The following WDPCP variants were observed in gnomAD, a reference collection of about 807,000 sequenced individuals.
WDPCP encodes the protein WD repeat containing planar cell polarity effector.
Under a neutral mutation model 93.1 loss-of-function variants are expected in WDPCP, and 71 were observed. That is an observed-to-expected ratio of 0.76 (90% CI 0.63 to 0.93). The LOEUF (loss-of-function observed/expected upper bound fraction) is 0.93. WDPCP is among the 40% of genes least tolerant of loss of function. The pLI, the probability that WDPCP is intolerant of heterozygous loss-of-function variation, is 0.00. For missense variants in WDPCP, 844 were observed against 887.4 expected (o/e 0.95, Z 0.62); for synonymous variants, 315 against 315.0 (o/e 1.00, Z 0.00).
intron 2 of WDPCP, among the ~76,000 whole-genome samples, chr2:63,735,091 A>G (rs1454487069): frequency 6.6e-6 from 1 of 152,222 alleles, no homozygotes; most frequent in Non-Finnish European, 1.5e-5. Flanking sequence ...CTTGAGGGCT[A>G]CAAATACAGA....
rs375693256 is a variant in WDPCP at position 63,381,955 on chromosome 2, G to A, written c.1575C>T (p.Ser525=). Residue 525 remains serine, a synonymous_variant, in exon 11 of 18, where the codon AGC becomes AGT. Transcript: ENST00000272321. ...GTCTAAGAAGATGGTTTACAATGGC[G>A]CTCATGCTGATAAAGCACTGGTGGC... The part of the protein sequence containing the change: ...TLGHQCFISM[S]AIVNHLLRQK... The A allele has an allele frequency of 6.8e-5, 109 of 1,613,400 alleles. 1 individual carries two copies. In the Middle Eastern group the frequency reaches 9.9e-4, roughly 15 times the overall value.
chr2:63,172,991 G>C (rs1673513538), intron 15 of WDPCP, among the ~76,000 whole-genome samples: 1 of 152,140 alleles, frequency 6.6e-6, no homozygotes. Flanking sequence ...GCTGGGTGTG[G>C]TTGCTCATGC....
intron 2 of WDPCP, among the ~76,000 whole-genome samples, chr2:63,775,344 C>G (rs1289868489): frequency 3.9e-5 from 6 of 152,196 alleles, no homozygotes; most frequent in Admixed American, 1.3e-4. Flanking sequence ...GTAATGCGGT[C>G]AGCCCATACT....
intron 1 of WDPCP, among the ~76,000 whole-genome samples, chr2:63,540,870 A>G (rs1704662177): frequency 6.6e-6 from 1 of 151,904 alleles, no homozygotes; most frequent in African/African-American, 2.4e-5. Flanking sequence ...CCTCCCTCCA[A>G]GTAGCTGGGA....
chr2:63,441,583 G>C (rs1697508486), intron 6 of WDPCP: 1 of 151,486 alleles, frequency 6.6e-6, no homozygotes, highest in Non-Finnish European at 1.5e-5. Context: ...CTCAACAAAT[G>C]TTTGGAGAAA....
intron 1 of WDPCP, among the ~76,000 whole-genome samples, chr2:63,527,906 GC>G (rs1703474400): frequency 1.3e-5 from 2 of 151,870 alleles, no homozygotes; most frequent in South Asian, 4.1e-4. Flanking sequence ...TTTATTGATC[GC>G]CATTCTAACT....
chr2:63,720,416 T>TAAAAA (rs56140939), intron 2 of WDPCP, among the ~76,000 whole-genome samples: 1 of 124,912 alleles, frequency 8.0e-6, no homozygotes. Flanking sequence ...GACTCTACCT[T>TAAAAA]AAAAAAAAAA....
chr2:63,666,351 A>G (rs1710282558), intron 2 of WDPCP, among the ~76,000 whole-genome samples: 1 of 152,160 alleles, frequency 6.6e-6, no homozygotes, highest in Admixed American at 6.5e-5. Flanking sequence ...GGCTGATTTC[A>G]CTGCCTGCTG....
chr2:63,170,958 C>A (rs1350556706), intron 15 of WDPCP, among the ~76,000 whole-genome samples: 2 of 151,422 alleles, frequency 1.3e-5, no homozygotes, highest in African/African-American at 2.4e-5. Flanking sequence ...AAAGGCAATT[C>A]AGTGGGGAAA....
chr2:63,760,022 A>C lies in WDPCP; in HGVS notation n.308+53600T>G, dbSNP rs184786676. Among the ~76,000 whole-genome samples, 8 of 152,310 alleles carry C rather than the reference A, an allele frequency of 5.3e-5. No homozygotes were observed. In the East Asian group the frequency reaches 1.2e-3, roughly 22 times the overall value. On this transcript the variant is annotated intron_variant and non_coding_transcript_variant, in intron 2 of 4. Coordinates refer to the WDPCP transcript ENST00000467687. ...GAGGCTGGATGAGTCTCTGGGCTTC[A>C]GGGAATAGGGGAGTGGGCAGTGAAG...
intron 9 of WDPCP, among the ~76,000 whole-genome samples, chr2:63,419,431 C>T (rs1207289969): frequency 1.3e-5 from 2 of 152,152 alleles, no homozygotes; most frequent in African/African-American, 4.8e-5. Context: ...TGAGCCACTG[C>T]GCCCGGCCCC....
intron 15 of WDPCP, among the ~76,000 whole-genome samples, chr2:63,156,493 T>G (rs1672259411): frequency 6.6e-6 from 1 of 151,988 alleles, no homozygotes; most frequent in Non-Finnish European, 1.5e-5. Flanking sequence ...CCCAGCACCT[T>G]GGGAGGCTGA....
intron 1 of WDPCP, chr2:63,571,561 T>C (rs1165194070): frequency 2.1e-6 from 1 of 471,128 alleles, no homozygotes. Flanking sequence ...CCTGCTATGG[T>C]CACTCTCCAG....
chr2:63,144,729 A>C (rs1363311843), intron 17 of WDPCP, among the ~76,000 whole-genome samples: 1 of 152,200 alleles, frequency 6.6e-6, no homozygotes, highest in Non-Finnish European at 1.5e-5. Flanking sequence ...TAGCTTAATA[A>C]CTAACCTCCC....
At chr2:63,362,329 AAG>A (rs1315424701) in intron 12 of WDPCP, among the ~76,000 whole-genome samples, 1 of 90,452 alleles carries the variant, frequency 1.1e-5, no homozygotes, top group Non-Finnish European at 2.1e-5. Context: ...AGGGGAGGGG[AAG>A]AGAGAGGGAG....
chr2:63,313,494 G>C (rs1341440113), intron 12 of WDPCP, among the ~76,000 whole-genome samples, 183 bp from the exon 13 acceptor site: 3 of 152,084 alleles, frequency 2.0e-5, no homozygotes, highest in Non-Finnish European at 4.4e-5. Context: ...ATTTAGGAGG[G>C]GCTGAGGCGC....
chr2:63,280,129 T>A (rs541902363), intron 13 of WDPCP, among the ~76,000 whole-genome samples: 1 of 152,200 alleles, frequency 6.6e-6, no homozygotes, highest in South Asian at 2.1e-4. Flanking sequence ...CTAGAATTCA[T>A]ACGGAACCAA....
chr2:63,466,726 G>A (rs544356612), intron 6 of WDPCP, among the ~76,000 whole-genome samples: 10 of 152,274 alleles, frequency 6.6e-5, no homozygotes, highest in African/African-American at 2.2e-4. Context: ...CAACAAGAGA[G>A]GAGTTAGATT....
At chr2:63,648,686 T>C (rs1035269717) in intron 3 of WDPCP, among the ~76,000 whole-genome samples, 1 of 152,250 alleles carries the variant, frequency 6.6e-6, no homozygotes, top group Non-Finnish European at 1.5e-5. Context: ...TCATCCATTT[T>C]GTTGCACGAA....
Sources: gnomAD v4.1 joint callset for allele counts (sites outside exome capture counted in the v4.1 genomes callset) on GRCh38, gnomAD v4.1.1 for gene constraint, MANE v1.5 for transcripts, NCBI Gene and HGNC (gene_info 2026-07-23, HGNC 2026-07-21) for gene names.